Variants in MAF observed in about 807,000 individuals in gnomAD.
The protein encoded by MAF is transcription factor Maf.
In MAF, 10 loss-of-function variants were observed where a neutral mutation model predicts 22.0. That is an observed-to-expected ratio of 0.45 (90% CI 0.28 to 0.77). The LOEUF (loss-of-function observed/expected upper bound fraction) is 0.77. Ranked by LOEUF, MAF falls within the 30% of genes least tolerant of loss-of-function variation. The pLI, the probability that MAF is intolerant of heterozygous loss-of-function variation, is 0.12. For missense variants in MAF, 544 were observed against 548.4 expected (o/e 0.99, Z 0.08); for synonymous variants, 337 against 255.8 (o/e 1.32, Z -3.03).
the MAF span, among the ~76,000 whole-genome samples, chr16:79,224,344 T>C: frequency 1.1e-3 from 161 of 152,302 alleles, no homozygotes; most frequent in Middle Eastern, 3.4e-3. Flanking sequence ...AAACTAGGTA[T>C]TGATGGAACG....
At chr16:79,421,945 T>G in the MAF span, among the ~76,000 whole-genome samples, 1 of 152,150 alleles carries the variant, frequency 6.6e-6, no homozygotes, top group Non-Finnish European at 1.5e-5. Flanking sequence ...ACTCAGCTAA[T>G]TTTTGTGTTT....
the MAF span, among the ~76,000 whole-genome samples, chr16:79,550,396 G>C: frequency 1.4e-4 from 22 of 151,880 alleles, no homozygotes; most frequent in African/African-American, 4.8e-4. Flanking sequence ...CTCAACTCTT[G>C]GTCCACCATG....
At chr16:79,241,417 T>C in the MAF span, among the ~76,000 whole-genome samples, 3 of 151,998 alleles carry the variant, frequency 2.0e-5, no homozygotes, top group Non-Finnish European at 4.4e-5. Context: ...AATAGCTGAA[T>C]TGATCAGACA....
the MAF span, among the ~76,000 whole-genome samples, chr16:79,459,698 G>C: frequency 6.6e-6 from 1 of 151,572 alleles, no homozygotes; most frequent in Non-Finnish European, 1.5e-5. Context: ...TCAGCCTCCC[G>C]ACTAGCTGGG....
the MAF span, among the ~76,000 whole-genome samples, chr16:79,503,929 A>G: frequency 1.3e-5 from 2 of 152,238 alleles, no homozygotes; most frequent in South Asian, 2.1e-4. Flanking sequence ...TAGGCCAAAT[A>G]TTAATAAATA....
the MAF span, among the ~76,000 whole-genome samples, chr16:79,555,206 C>G: frequency 6.6e-6 from 1 of 152,222 alleles, no homozygotes; most frequent in Admixed American, 6.5e-5. Context: ...CCTCTCTCAT[C>G]TCTCTGTGCC....
At chr16:79,517,968 C>A in the MAF span, among the ~76,000 whole-genome samples, 5 of 152,296 alleles carry the variant, frequency 3.3e-5, no homozygotes. Context: ...TACAGCTCTG[C>A]TTCTTTTGTC....
chr16:79,211,978 T>A, the MAF span: 1 of 1,536,214 alleles, frequency 6.5e-7, no homozygotes, highest in Non-Finnish European at 8.7e-7. Flanking sequence ...ATTCCTGGGG[T>A]AAAGTATCAC....
the MAF span, among the ~76,000 whole-genome samples, chr16:79,558,205 G>A: frequency 6.6e-6 from 1 of 152,142 alleles, no homozygotes; most frequent in Admixed American, 6.6e-5. Context: ...GAAACAGCCG[G>A]AAAGAGTGTG....
chr16:79,369,642 G>A, the MAF span, among the ~76,000 whole-genome samples: 1 of 152,224 alleles, frequency 6.6e-6, no homozygotes, highest in African/African-American at 2.4e-5. Flanking sequence ...GCAACTTTGG[G>A]GGAATTGTGC....
At chr16:79,445,210 T>C in the MAF span, among the ~76,000 whole-genome samples, 1 of 13,398 alleles carries the variant, frequency 7.5e-5, no homozygotes, top group African/African-American at 1.7e-4. Flanking sequence ...ATTTTTTGTA[T>C]TTTTTTTTTT....
the MAF span, among the ~76,000 whole-genome samples, chr16:79,331,776 C>T: frequency 2.4e-4 from 36 of 152,078 alleles, no homozygotes; most frequent in Non-Finnish European, 1.5e-5. Context: ...GCCACTGTGG[C>T]CTCATTCCCT....
the MAF span, among the ~76,000 whole-genome samples, chr16:79,332,777 G>C: frequency 6.6e-6 from 1 of 152,336 alleles, no homozygotes; most frequent in East Asian, 1.9e-4. Context: ...CTACACAAGA[G>C]GAAAGCAGTG....
chr16:79,485,946 G>T, the MAF span, among the ~76,000 whole-genome samples: 1 of 152,148 alleles, frequency 6.6e-6, no homozygotes, highest in African/African-American at 2.4e-5. Context: ...TTTAACTGAT[G>T]GAACTCTATA....
the MAF span, among the ~76,000 whole-genome samples, chr16:79,414,431 T>C: frequency 2.0e-4 from 31 of 152,064 alleles, no homozygotes; most frequent in African/African-American, 6.0e-4. Flanking sequence ...ATCAATCAGA[T>C]CTCATGTGAA....
At chr16:79,270,864 G>A in the MAF span, among the ~76,000 whole-genome samples, 72,999 of 150,698 alleles carry the variant, frequency 0.48, 18,753 homozygotes, top group Non-Finnish European at 0.55. Flanking sequence ...TACACACTCT[G>A]TCCCTCTAAT....
At chr16:79,350,010 C>A in the MAF span, among the ~76,000 whole-genome samples, 3 of 152,344 alleles carry the variant, frequency 2.0e-5, no homozygotes, top group East Asian at 1.9e-4. Context: ...TGAAAAGTCA[C>A]CTCCTCCAGG....
the MAF span, among the ~76,000 whole-genome samples, chr16:79,239,674 C>G: frequency 6.6e-6 from 1 of 152,074 alleles, no homozygotes; most frequent in East Asian, 1.9e-4. Flanking sequence ...CAGATTTATT[C>G]TTTGTCCCTC....
At chr16:79,210,118 T>C in the MAF span, among the ~76,000 whole-genome samples, 26 of 152,164 alleles carry the variant, frequency 1.7e-4, no homozygotes, top group Non-Finnish European at 3.1e-4. Context: ...ACCCAAGTCT[T>C]TGTCTCACTC....
Sources: gnomAD v4.1 joint callset for allele counts (sites outside exome capture counted in the v4.1 genomes callset) on GRCh38, gnomAD v4.1.1 for gene constraint, MANE v1.5 for transcripts, NCBI Gene and HGNC (gene_info 2026-07-23, HGNC 2026-07-21) for gene names.